The following SPTBN1 variants were observed in gnomAD, a reference collection of about 807,000 sequenced individuals.
SPTBN1 encodes spectrin beta, non-erythrocytic 1, also known as spectrin beta chain, non-erythrocytic 1.
A neutral mutation model predicts 266.4 loss-of-function variants in SPTBN1; 32 were observed. That is an observed-to-expected ratio of 0.12 (90% CI 0.09 to 0.16). SPTBN1 has a LOEUF of 0.16. Ranked by LOEUF, SPTBN1 falls within the 10% of genes least tolerant of loss-of-function variation. The pLI is 1.00. For synonymous variants in SPTBN1, 1,336 were observed against 1,162.2 expected (o/e 1.15, Z -3.04); for missense variants, 2,296 against 3,067.1 (o/e 0.75, Z 5.94).
rs1678524077 is a variant in SPTBN1, at chr2:54,628,743, A to G, written c.1799-190A>G. Among the ~76,000 whole-genome samples the G allele has an allele frequency of 6.6e-6, 1 of 152,154 alleles. No individual in the cohort carries two copies. Among genetic ancestry groups the G allele is most frequent in the Admixed American group, 6.5e-5 (1 of 15,270 alleles). ...TGGCCAAAAAAAAATAATGTTTATC[A>G]TTGCCCTCACTCCTGTTCTAGTCAA... is the stretch of plus-strand genomic sequence containing the variant. On this transcript the variant is annotated intron_variant, in intron 13 of 35. Coordinates refer to ENST00000356805, the MANE Select transcript of SPTBN1 (RefSeq NM_003128.3). This position sits in a 1 kb window ranked among gnomAD's most constrained non-coding sequence, Gnocchi z 4.3.
At position 54,517,545 on chromosome 2, in the gene SPTBN1, A is replaced by G. The variant is rs146752525; in HGVS notation, c.-47-8827A>G. Reference sequence around the variant, plus strand: ...CAAAATACTTTATTAACAAGAGTTTAGTAATTTAATAATTATTAATAGGTC... The same window carrying G: ...CAAAATACTTTATTAACAAGAGTTTGGTAATTTAATAATTATTAATAGGTC... On this transcript the variant is annotated intron_variant, in intron 1 of 35. Coordinates refer to ENST00000356805, the MANE Select transcript of SPTBN1 (RefSeq NM_003128.3). 1.5e-3 allele frequency among the ~76,000 whole-genome samples: 228 copies of G among 152,324 alleles called. 2 individuals are homozygous for G. Among genetic ancestry groups the G allele is most frequent in the African/African-American group, 5.3e-3 (221 of 41,580 alleles).
At position 54,643,045 on chromosome 2, in the gene SPTBN1, A is replaced by G; in HGVS notation, c.3921A>G (p.Arg1307=). 3 of 1,614,148 alleles carry G rather than the reference A, an allele frequency of 1.9e-6. No homozygotes were observed. Among genetic ancestry groups the G allele is most frequent in the Non-Finnish European group, 2.5e-6 (3 of 1,179,970 alleles). ...AGGACATGTCTTACGATGAAGCCAG[A>G]AATCTGCACAGTAAATGGTTGAAGC... ...TAQDMSYDEA[R]NLHSKWLKHQ... is the part of the protein sequence containing the mutation. Residue 1307 remains arginine, a synonymous_variant, in exon 19 of 36, where the codon AGA becomes AGG. Transcript: ENST00000356805.
chr2:54,648,938 TTG>T (rs1170847908), intron 24 of SPTBN1, 46 bp from the exon 25 acceptor site: 1 of 1,500,414 alleles, frequency 6.7e-7, no homozygotes, highest in African/African-American at 1.4e-5. Context: ...CTGAAGAAAC[TTG>T]ACATTTAAGA....
chr2:54,509,622 A>G lies in SPTBN1; in HGVS notation c.-47-16750A>G, dbSNP rs1669748139. Among the ~76,000 whole-genome samples, 3 of 152,330 alleles carry G rather than the reference A, an allele frequency of 2.0e-5. No homozygotes were observed. In the South Asian group the frequency reaches 6.2e-4, roughly 32 times the overall value. ...AGTTAGCAGTGCCATTGCTAATGAG[A>G]TTAGAAAGCCTTCATTAATTACAGG... On this transcript the variant is annotated intron_variant, in intron 1 of 35. Transcript: ENST00000356805.
At chr2:54,661,918 C>T in intron 32 of SPTBN1, 1 of 985,304 alleles carries the variant, frequency 1.0e-6, no homozygotes, top group African/African-American at 1.7e-5. Context: ...TGTAGCTTGT[C>T]ATAACAAAAT....
intron 1 of SPTBN1, among the ~76,000 whole-genome samples, chr2:54,493,977 C>G (rs567850911): frequency 1.3e-5 from 2 of 152,282 alleles, no homozygotes; most frequent in East Asian, 1.9e-4. Context: ...AAGGGTCCTC[C>G]TTCAACACTT....
chr2:54,495,706 C>T (rs753309537), intron 1 of SPTBN1, among the ~76,000 whole-genome samples: 4 of 116,848 alleles, frequency 3.4e-5, no homozygotes, highest in Non-Finnish European at 6.1e-5. Context: ...GAGCATTATT[C>T]CATGTTTTAT....
chr2:54,491,757 A>G (rs1558774529), intron 1 of SPTBN1, among the ~76,000 whole-genome samples: 1 of 151,978 alleles, frequency 6.6e-6, no homozygotes, highest in African/African-American at 2.4e-5. Context: ...TACCTAGCTA[A>G]CTTTTCTTTT....
intron 2 of SPTBN1, among the ~76,000 whole-genome samples, chr2:54,564,453 C>T (rs940360680): frequency 2.0e-5 from 3 of 152,132 alleles, no homozygotes; most frequent in Admixed American, 1.3e-4. Context: ...TAAAGTGTCC[C>T]CATGCAGTTA....
intron 4 of SPTBN1, 88 bp downstream of exon 4, chr2:54,612,422 G>A: frequency 2.8e-6 from 4 of 1,425,932 alleles, no homozygotes; most frequent in Non-Finnish European, 3.8e-6. Context: ...CTGTATCAGA[G>A]GGATCGGGAA....
chr2:54,645,924 C>T lies in SPTBN1; in HGVS notation c.4495-4C>T. 6.2e-7 allele frequency: 1 copy of T among 1,614,154 alleles called. No individual in the cohort carries two copies. The highest frequency in any genetic ancestry group is 1.3e-5 in the African/African-American group (1 of 75,056). ...TCTGACCACTTATTTAAAATTCTTCCCAGTTGTGGGTTGGAGAGAGGATGC... is the reference window on the plus strand; with the variant it reads ...TCTGACCACTTATTTAAAATTCTTCTCAGTTGTGGGTTGGAGAGAGGATGC... On this transcript the variant is annotated splice_region_variant and splice_polypyrimidine_tract_variant and intron_variant, in intron 21 of 35. Transcript: ENST00000356805. The surrounding 1 kb of genome is among the most constrained non-coding windows in gnomAD (Gnocchi z 4.3).
Position 54,668,467 on chromosome 2 carries a change from C to A in SPTBN1, c.6993C>A (p.Thr2331=), listed in dbSNP as rs1328435407. The A allele has an allele frequency of 1.9e-6, 3 of 1,614,208 alleles. No individual in the cohort carries two copies. The South Asian group carries it at 3.3e-5, about 18-fold the overall frequency. Residue 2331 remains threonine (T), a synonymous_variant, in exon 36 of 36, where the codon ACC becomes ACA. Transcript: ENST00000356805. The part of the protein sequence containing the change: ...PASSRAQTLP[T]SVVTITSESS... ...CCAGCCGCGCGCAGACCCTCCCCAC[C>A]AGCGTCGTCACCATCACCAGCGAGT...
At chr2:54,487,832 C>CTCTTTTTTTTTTTT (rs1426296541) in intron 1 of SPTBN1, among the ~76,000 whole-genome samples, 358 of 68,612 alleles carry the variant, frequency 5.2e-3, no homozygotes, top group African/African-American at 0.011. Flanking sequence ...CCTCCTGTGT[C>CTCTTTTTTTTTTTT]TTTTTTTTTT....
At chr2:54,635,327 C>T (rs1472656821) in intron 17 of SPTBN1, among the ~76,000 whole-genome samples, 1 of 152,234 alleles carries the variant, frequency 6.6e-6, no homozygotes, top group Non-Finnish European at 1.5e-5. Context: ...ACACTCACTT[C>T]TTTTAAGCGT....
At chr2:54,496,686 G>A (rs538439113) in intron 1 of SPTBN1, among the ~76,000 whole-genome samples, 1 of 152,220 alleles carries the variant, frequency 6.6e-6, no homozygotes, top group African/African-American at 2.4e-5. Flanking sequence ...TCACTAGTAA[G>A]CAGACTTGCA....
intron 2 of SPTBN1, 136 bp from the exon 3 acceptor site, chr2:54,598,956 G>C: frequency 1.2e-6 from 1 of 834,800 alleles, no homozygotes; most frequent in Non-Finnish European, 1.9e-6. Context: ...CGCAGTTAAG[G>C]GGCGCTAAGT....
intron 1 of SPTBN1, among the ~76,000 whole-genome samples, chr2:54,485,188 CTCCCTCTCGG>C: frequency 6.6e-6 from 1 of 151,896 alleles, no homozygotes; most frequent in Non-Finnish European, 1.5e-5. Context: ...CCCTCTCCGT[CTCCCTCTCGG>C]TCTCCCTCTC....
Position 54,540,546 on chromosome 2 carries a change from C to T in SPTBN1, c.148+13980C>T, listed in dbSNP as rs2104393805. 6.6e-6 allele frequency: 1 copy of T among 152,300 alleles called. No homozygotes were observed. The highest frequency in any genetic ancestry group is 2.4e-5 in the African/African-American group (1 of 41,554). 9.4% of individuals were successfully genotyped at this position (152,300 alleles called of 1,614,324 possible). On this transcript the variant is annotated intron_variant, in intron 2 of 35. Transcript: ENST00000356805. This position sits in a 1 kb window ranked among gnomAD's most constrained non-coding sequence, Gnocchi z 5.6. The stretch of plus-strand genomic sequence containing the variant: ...TAAAGATTTCTTTAGTTTTCTCTTC[C>T]TTCCTTAGGTCACTGGGATGTTTCT...
chr2:54,630,520 A>G (rs1263098171), intron 15 of SPTBN1, among the ~76,000 whole-genome samples: 4 of 152,180 alleles, frequency 2.6e-5, no homozygotes, highest in Non-Finnish European at 5.9e-5. Flanking sequence ...AGATTTGGAA[A>G]ACGTTCATTA....
Sources: allele counts gnomAD v4.1 joint callset (sites outside exome capture counted in the v4.1 genomes callset), GRCh38; gene constraint gnomAD v4.1.1; non-coding constraint Gnocchi (gnomAD v3.1); transcripts MANE v1.5; gene names NCBI Gene and HGNC (gene_info 2026-07-23, HGNC 2026-07-21).